BRME1: variants seen among roughly 807,000 people sequenced by gnomAD.
BRME1 encodes break repair meiotic recombinase recruitment factor 1.
A neutral mutation model predicts 52.6 loss-of-function variants in BRME1; 31 were observed. That is an observed-to-expected ratio of 0.59 (90% CI 0.44 to 0.80). The LOEUF is 0.80. BRME1 is among the 30% of genes least tolerant of loss of function. The pLI, the probability that BRME1 is intolerant of heterozygous loss-of-function variation, is 0.00. For missense variants in BRME1, 804 were observed against 860.3 expected (o/e 0.93, Z 0.82); for synonymous variants, 359 against 353.6 (o/e 1.02, Z -0.17).
At chr19:13,890,908 A>C (rs905119001) in intron 5 of BRME1, among the ~76,000 whole-genome samples, 3 of 152,034 alleles carry the variant, frequency 2.0e-5, no homozygotes, top group African/African-American at 7.2e-5. Context: ...TTACTTTTGC[A>C]CCAATCTAAT....
At chr19:13,902,222 C>A (rs1315455973) in intron 2 of BRME1, among the ~76,000 whole-genome samples, 1 of 151,510 alleles carries the variant, frequency 6.6e-6, no homozygotes, top group Admixed American at 6.6e-5. Context: ...ACCTGTAATC[C>A]CAGCTACTCA....
rs372180863 is a variant in BRME1, at chr19:13,889,812, C to T, written c.1044G>A (p.Glu348=). ...VIADLSTDPT[E]LEERALEVAG... is the part of the protein sequence containing the mutation. ...CCACCTCCAGAGCCCTCTCTTCCAG[C>T]TCAGTGGGGTCTGTGCTCAGGTCTG... The change falls in exon 6 of 9, where the codon GAG becomes GAA. Residue 348 remains glutamate (E), a synonymous_variant. Coordinates refer to ENST00000586783, the MANE Select transcript of BRME1 (RefSeq NM_001345843.2). 3 of 1,613,132 alleles carry T rather than the reference C, an allele frequency of 1.9e-6. No homozygotes were observed. Among genetic ancestry groups the T allele is most frequent in the African/African-American group, 1.3e-5 (1 of 75,070 alleles).
chr19:13,895,314 T>G, intron 3 of BRME1, 58 bp downstream of exon 3: 1 of 1,529,736 alleles, frequency 6.5e-7, no homozygotes, highest in Non-Finnish European at 8.9e-7. Flanking sequence ...TCTGCTGAGC[T>G]GCTGTGCTAT....
intron 2 of BRME1, among the ~76,000 whole-genome samples, chr19:13,903,575 AGGC>A (rs1970439977): frequency 7.0e-6 from 1 of 142,976 alleles, no homozygotes; most frequent in Non-Finnish European, 1.5e-5. Flanking sequence ...TAGGAGGCTG[AGGC>A]TGCAGAATCG....
chr19:13,892,945 C>T lies in BRME1; in HGVS notation c.289-55G>A, dbSNP rs1040911963. Reference sequence around the variant, plus strand: ...AATAAAGATAAGAGAGGAATGAGGTCTTAGGAAAAAAGCAACCCCAAACCT... The same window carrying T: ...AATAAAGATAAGAGAGGAATGAGGTTTTAGGAAAAAAGCAACCCCAAACCT... On this transcript the variant is annotated intron_variant, in intron 4 of 8. Coordinates refer to ENST00000586783, the MANE Select transcript of BRME1 (RefSeq NM_001345843.2). 9.0e-6 allele frequency: 14 copies of T among 1,563,596 alleles called. No individual in the cohort carries two copies. In the Middle Eastern group the frequency reaches 6.7e-4, roughly 75 times the overall value.
At position 13,905,259 on chromosome 19, in the gene BRME1, C is replaced by G. The variant is rs546800874; in HGVS notation, c.-21-346G>C. Among the ~76,000 whole-genome samples the G allele has an allele frequency of 2.6e-5, 4 of 152,202 alleles. No individual in the cohort carries two copies. The South Asian group carries it at 8.3e-4, about 32-fold the overall frequency. On this transcript the variant is annotated intron_variant, in intron 1 of 8. Transcript: ENST00000586783. ...AGCCCCTCCCTCCAGACTGGGGTAT[C>G]TGGGGGCCCTTCCAAGGACACTTGA... is the stretch of plus-strand genomic sequence containing the variant.
rs1355498846 is a variant in BRME1 at position 13,882,961 on chromosome 19, G to A, written c.1857-9C>T. 6.2e-7 allele frequency: 1 copy of A among 1,611,238 alleles called. No homozygotes were observed. ...TGCCCATGATCAGCCGGCTGTGGGG[G>A]AAACACAGGCATGCGTGTGGGGCTC... is the stretch of plus-strand genomic sequence containing the variant. On this transcript the variant is annotated splice_polypyrimidine_tract_variant and intron_variant, in intron 8 of 8. Coordinates refer to ENST00000586783, the MANE Select transcript of BRME1 (RefSeq NM_001345843.2).
chr19:13,885,089 G>C (rs898992933), intron 7 of BRME1: 1 of 152,514 alleles, frequency 6.6e-6, no homozygotes, highest in African/African-American at 2.4e-5. Flanking sequence ...TGTGGCTAAG[G>C]GAGGTGGCCA....
At chr19:13,886,622 T>C (rs547440196) in intron 6 of BRME1, among the ~76,000 whole-genome samples, 3 of 152,070 alleles carry the variant, frequency 2.0e-5, no homozygotes, top group East Asian at 1.9e-4. Flanking sequence ...TTAATTTCCA[T>C]GGAAAATGTT....
At position 13,883,366 on chromosome 19, in the gene BRME1, T is replaced by C; in HGVS notation, c.1798A>G (p.Arg600Gly). ...ACGACGTTGGTGGCATCCTCCATCC[T>C]GGAGGCCTCAGAGGCCTGGATCCCC... ...FVGIQASEASRMEDATNVVRG... is the reference protein window; with the variant it reads ...FVGIQASEASGMEDATNVVRG... The change falls in exon 8 of 9, where the codon AGG (arginine) becomes GGG (glycine). Residue 600 changes from arginine (R) to glycine (G), a missense_variant. Coordinates refer to ENST00000586783, the MANE Select transcript of BRME1 (RefSeq NM_001345843.2). This position sits in a 1 kb window ranked among gnomAD's most constrained non-coding sequence, Gnocchi z 4.2. The C allele has an allele frequency of 6.5e-7, 1 of 1,535,300 alleles. No homozygotes were observed. The highest frequency in any genetic ancestry group is 8.7e-7 in the Non-Finnish European group (1 of 1,146,216).
intron 2 of BRME1, among the ~76,000 whole-genome samples, chr19:13,900,674 C>G (rs77509711): frequency 0.014 from 2,108 of 152,028 alleles, 49 homozygotes; most frequent in African/African-American, 0.048. Flanking sequence ...GGGAGTTTGT[C>G]TTTCTGACTT....
rs532281622 is a variant in BRME1 at position 13,885,835 on chromosome 19, C to A, written c.1763+126G>T. Reference sequence around the variant, plus strand: ...ACAGTTTGAAAGACAGGGCTCAGCTCCCCTGCTGGACTGAGGAAGTCGAGG... The same window carrying A: ...ACAGTTTGAAAGACAGGGCTCAGCTACCCTGCTGGACTGAGGAAGTCGAGG... On this transcript the variant is annotated intron_variant, in intron 7 of 8. Coordinates refer to ENST00000586783, the MANE Select transcript of BRME1 (RefSeq NM_001345843.2). 1.8e-4 allele frequency: 133 copies of A among 751,016 alleles called. No individual in the cohort carries two copies. In the South Asian group the frequency reaches 2.2e-3, roughly 13 times the overall value. The allele number at this position is 751,016 out of a possible 1,614,324, so 46.5% of individuals were successfully genotyped here.
At chr19:13,902,892 T>G (rs930809315) in intron 2 of BRME1, among the ~76,000 whole-genome samples, 1 of 146,378 alleles carries the variant, frequency 6.8e-6, no homozygotes, top group African/African-American at 2.6e-5. Flanking sequence ...GCCACTGCAC[T>G]CCAGCCTGGG....
In BRME1 at chr19:13,889,662, A is replaced by T. The variant is rs778908609; in HGVS notation, c.1194T>A (p.Ser398Arg). ...TSLTGETTGE[S>R]GEAGQDGKPP... The stretch of plus-strand genomic sequence containing the variant: ...GCTTGCCATCCTGCCCTGCCTCCCC[A>T]CTTTCTCCTGTGGTTTCCCCAGTGA... The change falls in exon 6 of 9, where the codon AGT (serine) becomes AGA (arginine). Residue 398 changes from serine to arginine, a missense_variant. Physicochemically the swap from Ser to Arg is moderately radical, Grantham distance 110 (BLOSUM62 -1). Transcript: ENST00000586783. The T allele has an allele frequency of 6.2e-7, 1 of 1,609,886 alleles. No individual in the cohort carries two copies. The highest frequency in any genetic ancestry group is 1.7e-5 in the Admixed American group (1 of 59,844).
In BRME1 at chr19:13,890,278, TC is replaced by T; in HGVS notation, c.577del (p.Asp193ThrfsTer150). The T allele has an allele frequency of 1.9e-6, 3 of 1,612,846 alleles. No individual in the cohort carries two copies. The highest frequency in any genetic ancestry group is 2.5e-6 in the Non-Finnish European group (3 of 1,179,350). On this transcript the variant is annotated frameshift_variant, in exon 6 of 9. Coordinates refer to ENST00000586783, the MANE Select transcript of BRME1 (RefSeq NM_001345843.2). LOFTEE classifies it high-confidence loss of function. ...CAACCCCGTCCCCCTGTCTGGAGGG[TC>T]ATCAGGCTGAGAATCCCCACTGCCG... ...VPGSGDSQPD[D>X]PPDRGTGLSA...
At chr19:13,884,576 T>C (rs992315018) in intron 7 of BRME1, among the ~76,000 whole-genome samples, 8 of 148,568 alleles carry the variant, frequency 5.4e-5, no homozygotes, top group African/African-American at 1.0e-4. Context: ...TGCAGTGAGC[T>C]GAGGTTGCAC....
intron 2 of BRME1, among the ~76,000 whole-genome samples, chr19:13,895,774 C>G (rs762461999): frequency 1.3e-5 from 2 of 152,172 alleles, no homozygotes; most frequent in Non-Finnish European, 2.9e-5. Context: ...GCAGACAAGA[C>G]TAAATTATGT....
At chr19:13,891,826 A>G (rs1158679913) in intron 5 of BRME1, among the ~76,000 whole-genome samples, 1 of 150,802 alleles carries the variant, frequency 6.6e-6, no homozygotes, top group East Asian at 2.0e-4. Context: ...TAATCCCAGC[A>G]CTTTGAGAGG....
chr19:13,882,866 A>AG lies in BRME1; in HGVS notation c.1942dup (p.Leu648ProfsTer115), dbSNP rs1270763461. On this transcript the variant is annotated frameshift_variant, in exon 9 of 9. Transcript: ENST00000586783. LOFTEE classifies it low-confidence loss of function (END_TRUNC). The stretch of plus-strand genomic sequence containing the variant: ...CCCAGGCCCCTTGGAAGGGTAAGGC[A>AG]GGGGGGCTTTGCCTCCCAGCTTTGT... The AG allele has an allele frequency of 6.2e-7, 1 of 1,613,850 alleles. No individual in the cohort carries two copies. The highest frequency in any genetic ancestry group is 8.5e-7 in the Non-Finnish European group (1 of 1,179,922).
Sources: allele counts gnomAD v4.1 joint callset (sites outside exome capture counted in the v4.1 genomes callset), GRCh38; gene constraint gnomAD v4.1.1; non-coding constraint Gnocchi (gnomAD v3.1); transcripts MANE v1.5; gene names NCBI Gene and HGNC (gene_info 2026-07-23, HGNC 2026-07-21).